The following NSUN7 variants were observed in gnomAD, a reference collection of about 807,000 sequenced individuals.
NSUN7 encodes protein NSUN7.
In NSUN7, 39 loss-of-function variants were observed where a neutral mutation model predicts 58.5. That is an observed-to-expected ratio of 0.67 (90% CI 0.52 to 0.87). The LOEUF is 0.87. Ranked by LOEUF, NSUN7 falls within the 40% of genes least tolerant of loss-of-function variation. The pLI is 0.00. For missense variants in NSUN7, 765 were observed against 844.1 expected (o/e 0.91, Z 1.16); for synonymous variants, 278 against 303.7 (o/e 0.92, Z 0.88).
intron 2 of NSUN7, among the ~76,000 whole-genome samples, chr4:40,757,700 TATACATTGTGTGTGTGTGTATATATACAC>T (rs1741230313): frequency 7.7e-6 from 1 of 129,916 alleles, no homozygotes; most frequent in Non-Finnish European, 1.6e-5. Context: ...TGTGTATATA[TATACATTGTGTGTGTGTGTATATATACAC>T]ACACACACAC....
chr4:40,808,150 G>A (rs1168390135), intron 11 of NSUN7, 157 bp from the exon 12 acceptor site: 2 of 742,482 alleles, frequency 2.7e-6, no homozygotes, highest in Non-Finnish European at 4.1e-6. Context: ...ATTCGCTGAG[G>A]CTTATGAGAT....
Position 40,750,600 on chromosome 4 carries a change from C to A in NSUN7, c.-91-3C>A. The A allele has an allele frequency of 7.0e-7, 1 of 1,432,154 alleles. No individual in the cohort carries two copies. The allele number at this position is 1,432,154 out of a possible 1,614,324, so 88.7% of individuals were successfully genotyped here. On this transcript the variant is annotated splice_region_variant and splice_polypyrimidine_tract_variant and intron_variant, in intron 1 of 11. Coordinates refer to ENST00000381782, the MANE Select transcript of NSUN7 (RefSeq NM_024677.6). Reference sequence around the variant, plus strand: ...TTACTGCAATCACCTTCTCTCTTCACAGAGACCATGCTGCAGATGCGAGGA... The same window carrying A: ...TTACTGCAATCACCTTCTCTCTTCAAAGAGACCATGCTGCAGATGCGAGGA...
intron 10 of NSUN7, among the ~76,000 whole-genome samples, chr4:40,802,631 A>ATGTT (rs71648925): frequency 0.8 from 120,901 of 151,430 alleles, 48,501 homozygotes; most frequent in African/African-American, 0.84. Flanking sequence ...ATGGATGTGT[A>ATGTT]TGTTTGTTTG....
intron 7 of NSUN7, among the ~76,000 whole-genome samples, chr4:40,780,571 C>CG (rs1003028340): frequency 1.3e-5 from 2 of 149,890 alleles, no homozygotes; most frequent in African/African-American, 4.9e-5. Flanking sequence ...TATGCCACTG[C>CG]GCTCTAACCT....
intron 10 of NSUN7, among the ~76,000 whole-genome samples, chr4:40,805,818 T>C (rs1472927562): frequency 6.6e-6 from 1 of 152,040 alleles, no homozygotes; most frequent in Non-Finnish European, 1.5e-5. Flanking sequence ...GTTCTTTGGC[T>C]TGTAGCTGTG....
intron 10 of NSUN7, among the ~76,000 whole-genome samples, 186 bp downstream of exon 10, chr4:40,799,090 T>G (rs977465016): frequency 7.1e-6 from 1 of 141,318 alleles, no homozygotes; most frequent in Admixed American, 7.1e-5. Context: ...TTTTTTTTTT[T>G]TTTTTTTTTT....
intron 10 of NSUN7, among the ~76,000 whole-genome samples, chr4:40,801,843 A>G (rs1229648353): frequency 6.7e-6 from 1 of 148,868 alleles, no homozygotes; most frequent in African/African-American, 2.5e-5. Flanking sequence ...TTAAGGCTGT[A>G]GTGAGCCGAG....
rs969783730 is a variant in NSUN7, at chr4:40,808,111, T to C, written c.1525-196T>C. ...GGTTCATAAATGGGGAAGTTTAAGT[T>C]TTTTTTTTGTTTGTTTTTTTAAAAA... On this transcript the variant is annotated intron_variant, in intron 11 of 11. Coordinates refer to ENST00000381782, the MANE Select transcript of NSUN7 (RefSeq NM_024677.6). Among the ~76,000 whole-genome samples the C allele has an allele frequency of 1.0e-3, 20 of 19,134 alleles. No individual in the cohort carries two copies. The Admixed American group carries it at 0.016, about 15-fold the overall frequency. The allele number at this position is 19,134 out of a possible 152,430, so 12.6% of individuals were successfully genotyped here. A position where few individuals can be genotyped will look rare whatever the true frequency, so the allele number is the denominator to read the frequency against.
intron 2 of NSUN7, among the ~76,000 whole-genome samples, chr4:40,755,143 G>T (rs574336670): frequency 6.6e-6 from 1 of 152,294 alleles, no homozygotes; most frequent in South Asian, 2.1e-4. Flanking sequence ...AGACTGGAGT[G>T]CAGTGGCGCG....
In NSUN7 at chr4:40,790,482, T is replaced by A. The variant is rs6831908; in HGVS notation, c.1037-120T>A. On this transcript the variant is annotated intron_variant, in intron 7 of 11. Coordinates refer to ENST00000381782, the MANE Select transcript of NSUN7 (RefSeq NM_024677.6). ...AGAATAGCCTTCTTTTCTAACTACA[T>A]CAAAATGAATTTTTGTGAGGTTGAG... The A allele has an allele frequency of 8.3e-3, 5,225 of 628,278 alleles. 152 individuals are homozygous for A. The highest frequency in any genetic ancestry group is 0.07 in the African/African-American group (3,725 of 52,934). 38.9% of individuals were successfully genotyped at this position (628,278 alleles called of 1,614,324 possible).
chr4:40,794,524 A>G, intron 9 of NSUN7, 48 bp downstream of exon 9: 1 of 1,098,326 alleles, frequency 9.1e-7, no homozygotes, highest in South Asian at 1.3e-5. Context: ...TGTACATTTT[A>G]GAAATATTAG....
intron 4 of NSUN7, among the ~76,000 whole-genome samples, chr4:40,771,299 G>C (rs1014286191): frequency 1.3e-5 from 2 of 152,092 alleles, no homozygotes; most frequent in African/African-American, 4.8e-5. Context: ...AGGATAAGAA[G>C]CTTGGCTGCC....
At chr4:40,760,351 G>A in intron 2 of NSUN7, 83 bp from the exon 3 acceptor site, 1 of 939,590 alleles carries the variant, frequency 1.1e-6, no homozygotes, top group Non-Finnish European at 1.7e-6. Flanking sequence ...GTATTTTATG[G>A]CATTATTACA....
intron 9 of NSUN7, among the ~76,000 whole-genome samples, chr4:40,796,715 C>T (rs1743338431): frequency 6.6e-6 from 1 of 152,114 alleles, no homozygotes; most frequent in African/African-American, 2.4e-5. Flanking sequence ...CTCAAGAGGC[C>T]CCGACTCCAG....
At chr4:40,771,302 T>C (rs1192805051) in intron 4 of NSUN7, among the ~76,000 whole-genome samples, 1 of 152,162 alleles carries the variant, frequency 6.6e-6, no homozygotes, top group East Asian at 1.9e-4. Flanking sequence ...ATAAGAAGCT[T>C]GGCTGCCAAC....
At chr4:40,794,696 C>T (rs550376839) in intron 9 of NSUN7, among the ~76,000 whole-genome samples, 1 of 152,312 alleles carries the variant, frequency 6.6e-6, no homozygotes, top group African/African-American at 2.4e-5. Flanking sequence ...GGTTAGCAAG[C>T]ATAATTTACC....
intron 11 of NSUN7, 60 bp from the exon 12 acceptor site, chr4:40,808,247 T>C: frequency 6.6e-7 from 1 of 1,506,956 alleles, no homozygotes. Context: ...TTGATAAATA[T>C]TTGCGGGAGA....
chr4:40,762,892 A>C (rs1192567678), intron 4 of NSUN7, among the ~76,000 whole-genome samples: 1 of 152,066 alleles, frequency 6.6e-6, no homozygotes, highest in Non-Finnish European at 1.5e-5. Flanking sequence ...GAGATCATCT[A>C]ATGCTTGATG....
chr4:40,796,421 C>T (rs749056994), intron 9 of NSUN7, among the ~76,000 whole-genome samples: 24 of 152,050 alleles, frequency 1.6e-4, no homozygotes, highest in Non-Finnish European at 2.8e-4. Context: ...GGTAGGATCA[C>T]TTCAGGCCAG....
Sources: gnomAD v4.1 joint callset for allele counts (sites outside exome capture counted in the v4.1 genomes callset) on GRCh38, gnomAD v4.1.1 for gene constraint, MANE v1.5 for transcripts, NCBI Gene and HGNC (gene_info 2026-07-23, HGNC 2026-07-21) for gene names.